The following NFAT5 variants were observed in gnomAD, a reference collection of about 807,000 sequenced individuals.
The protein encoded by NFAT5 is nuclear factor of activated T cells 5.
Under a neutral mutation model 166.5 loss-of-function variants are expected in NFAT5, and 31 were observed. The ratio of observed to expected loss-of-function variants is 0.19; its 90% CI spans 0.14 to 0.25. The LOEUF (loss-of-function observed/expected upper bound fraction) is 0.25. Among genes scored for constraint, NFAT5 ranks in the 10% least tolerant of loss-of-function variants. The probability of loss-of-function intolerance (pLI) is 1.00; values close to 1 mark genes in which losing one functional copy is unlikely to be tolerated. For synonymous variants in NFAT5, 612 were observed against 639.7 expected, an observed-to-expected ratio of 0.96 and a Z score of 0.65; for missense variants, 1,449 against 1,821.8, an observed-to-expected ratio of 0.80 and a Z score of 3.72.
Position 69,701,002 on chromosome 16 carries a change from G to A in NFAT5, c.*4651G>A, listed in dbSNP as rs2037888894. ...TTGCTCTGTCTCTCAGGCTAGAGCAGTGTGCGATCTCAGCTCACTGCAGCC... is the reference window on the plus strand; with the variant it reads ...TTGCTCTGTCTCTCAGGCTAGAGCAATGTGCGATCTCAGCTCACTGCAGCC... On this transcript the variant is annotated 3_prime_UTR_variant, in exon 15 of 15. Transcript: ENST00000349945. 1 of 151,022 alleles carries A rather than the reference G, an allele frequency of 6.6e-6. No homozygotes were observed. The highest frequency in any genetic ancestry group is 1.5e-5 in the Non-Finnish European group (1 of 68,032). The allele number at this position is 151,022 out of a possible 1,614,324, so 9.4% of individuals were successfully genotyped here.
chr16:69,578,443 G>T (rs769027181), intron 2 of NFAT5, among the ~76,000 whole-genome samples: 5 of 152,058 alleles, frequency 3.3e-5, no homozygotes, highest in Non-Finnish European at 5.9e-5. Flanking sequence ...GAGATATTAG[G>T]CATTAAAATG....
chr16:69,688,227 C>CAAAAAAAAAAAAAAA (rs1309361684), intron 11 of NFAT5, among the ~76,000 whole-genome samples: 1 of 114,222 alleles, frequency 8.8e-6, no homozygotes, highest in South Asian at 2.7e-4. Flanking sequence ...AAAAAAAAAA[C>CAAAAAAAAAAAAAAA]CAGGAGTTTG....
chr16:69,666,280 A>T lies in NFAT5; in HGVS notation c.1370-3697A>T, dbSNP rs2036374597. Among the ~76,000 whole-genome samples, 8 of 151,676 alleles carry T rather than the reference A, an allele frequency of 5.3e-5. No individual in the cohort carries two copies. The South Asian group carries it at 1.7e-3, about 32-fold the overall frequency. On this transcript the variant is annotated intron_variant, in intron 7 of 14. Coordinates refer to ENST00000349945, the MANE Select transcript of NFAT5 (RefSeq NM_138713.4). ...CATGGGCAAGGACTTCATGTCTAAA[A>T]CACCAAAAGCAATGGCAACCAAAGC...
At chr16:69,612,570 G>A (rs2033752760) in intron 2 of NFAT5, among the ~76,000 whole-genome samples, 1 of 152,214 alleles carries the variant, frequency 6.6e-6, no homozygotes, top group Middle Eastern at 3.4e-3. Context: ...TCTAGGCCAG[G>A]TGCAGTGGTT....
intron 3 of NFAT5, among the ~76,000 whole-genome samples, chr16:69,630,274 C>T (rs2034654880): frequency 6.6e-6 from 1 of 152,074 alleles, no homozygotes; most frequent in Non-Finnish European, 1.5e-5. Context: ...TCAGGTGATC[C>T]TCGAGGCTTG....
In NFAT5 at chr16:69,681,687, G is replaced by T. The variant is rs181582375; in HGVS notation, c.1691-3200G>T. 2.6e-5 allele frequency among the ~76,000 whole-genome samples: 4 copies of T among 152,252 alleles called. No individual in the cohort carries two copies. The East Asian group carries it at 7.7e-4, about 29-fold the overall frequency. On this transcript the variant is annotated intron_variant, in intron 10 of 14. Transcript: ENST00000349945. Reference sequence around the variant, plus strand: ...AATCCCAGCACTTTGGGAGGCCGAGGTGGGCGGATCATGAGGTCAGGAGAT... The same window carrying T: ...AATCCCAGCACTTTGGGAGGCCGAGTTGGGCGGATCATGAGGTCAGGAGAT...
At chr16:69,646,295 C>A (rs2035436871) in intron 3 of NFAT5, among the ~76,000 whole-genome samples, 2 of 152,192 alleles carry the variant, frequency 1.3e-5, no homozygotes. Context: ...CTTCTGGAGA[C>A]CCAATGATTA....
rs1054051343 is a variant in NFAT5, at chr16:69,566,756, G to A, written c.73+382G>A. On this transcript the variant is annotated intron_variant, in intron 1 of 14. Coordinates refer to ENST00000349945, the MANE Select transcript of NFAT5 (RefSeq NM_138713.4). The surrounding 1 kb of genome is among the most constrained non-coding windows in gnomAD (Gnocchi z 5.7). The stretch of plus-strand genomic sequence containing the variant: ...GCCCCGCGCTGGGGCCACCGCGATC[G>A]GGGCGCCGCGTCTTCTCTTACCGGG... Among the ~76,000 whole-genome samples the A allele has an allele frequency of 2.0e-5, 3 of 152,260 alleles. No homozygotes were observed. Among genetic ancestry groups the A allele is most frequent in the Middle Eastern group, 3.4e-3 (1 of 294 alleles).
chr16:69,635,726 C>T (rs938891111), intron 3 of NFAT5, among the ~76,000 whole-genome samples: 2 of 152,162 alleles, frequency 1.3e-5, no homozygotes, highest in Non-Finnish European at 2.9e-5. Flanking sequence ...TCTCCTGAGA[C>T]ATATTAACTA....
intron 3 of NFAT5, among the ~76,000 whole-genome samples, chr16:69,637,794 T>C (rs919574792): frequency 3.3e-5 from 5 of 152,126 alleles, no homozygotes; most frequent in African/African-American, 1.2e-4. Context: ...AAAAGGAACA[T>C]TGATAGAGGA....
rs779989621 is a variant in NFAT5, at chr16:69,647,278, C to T, written c.504C>T (p.Asp168=). ...TVLYISPPPE[D]LLDNSRMSCQ... ...TGTACATCTCACCACCACCTGAGGA[C>T]TTGCTGGATAACAGTCGGATGTCCT... Residue 168 remains aspartate, a synonymous_variant, in exon 4 of 15, where the codon GAC becomes GAT. Coordinates refer to ENST00000349945, the MANE Select transcript of NFAT5 (RefSeq NM_138713.4). The surrounding 1 kb of genome is among the most constrained non-coding windows in gnomAD (Gnocchi z 4.8). The T allele has an allele frequency of 7.1e-5, 115 of 1,614,066 alleles. No homozygotes were observed. The highest frequency in any genetic ancestry group is 9.3e-5 in the Non-Finnish European group (110 of 1,180,042).
chr16:69,566,033 G>T lies in NFAT5; in HGVS notation c.-269G>T, dbSNP rs1029332182. The T allele has an allele frequency of 2.3e-5, 10 of 430,944 alleles. No individual in the cohort carries two copies. Among genetic ancestry groups the T allele is most frequent in the African/African-American group, 2.2e-4 (10 of 44,928 alleles). The allele number at this position is 430,944 out of a possible 1,614,324, so 26.7% of individuals were successfully genotyped here. A position where few individuals can be genotyped will look rare whatever the true frequency, so the allele number is the denominator to read the frequency against. ...TTTCGCTGAGGAGAAACACGAAACG[G>T]ACCCTTTGGCTCTCCCCCTTCCCCT... On this transcript the variant is annotated 5_prime_UTR_variant, in exon 1 of 15. Transcript: ENST00000349945. The surrounding 1 kb of genome is among the most constrained non-coding windows in gnomAD (Gnocchi z 5.7).
rs1454390798 is a variant in NFAT5, at chr16:69,691,759, C to T, written c.1934C>T (p.Ser645Phe). ...RSSTIFKTTK[S>F]VGSTQQTLEN... ...ATTTTTATTTTTTAGACTACAAAGT[C>T]TGTTGGATCAACTCAGCAAACATTA... The change falls in exon 13 of 15, where the codon TCT (serine) becomes TTT (phenylalanine). Residue 645 changes from serine to phenylalanine, a missense_variant. By Grantham distance (155) the Ser-to-Phe change is radical. Around this residue, in one of 7 missense-constraint regions of NFAT5, gnomAD observed 245 missense variants for 366.6 expected, o/e 0.67. Transcript: ENST00000349945. 1 of 1,608,592 alleles carries T rather than the reference C, an allele frequency of 6.2e-7. No individual in the cohort carries two copies. The highest frequency in any genetic ancestry group is 1.7e-5 in the Admixed American group (1 of 58,784).
intron 4 of NFAT5, among the ~76,000 whole-genome samples, chr16:69,650,375 A>G (rs920541639): frequency 1.3e-5 from 2 of 152,072 alleles, no homozygotes; most frequent in Non-Finnish European, 2.9e-5. Context: ...TTACATGTCT[A>G]TACATCTCAA....
chr16:69,693,638 G>A lies in NFAT5; in HGVS notation c.3813G>A (p.Gln1271=), dbSNP rs1032624608. The change falls in exon 13 of 15, where the codon CAG becomes CAA. Residue 1271 remains glutamine, a synonymous_variant. Transcript: ENST00000349945. ...SNSPSQEQQQ[Q]QQQQQQQQQQ... Reference sequence around the variant, plus strand: ...CTCCATCCCAGGAACAGCAGCAGCAGCAGCAACAGCAGCAGCAACAGCAGC... The same window carrying A: ...CTCCATCCCAGGAACAGCAGCAGCAACAGCAACAGCAGCAGCAACAGCAGC... 6.2e-7 allele frequency: 1 copy of A among 1,613,026 alleles called. No individual in the cohort carries two copies. The highest frequency in any genetic ancestry group is 8.5e-7 in the Non-Finnish European group (1 of 1,179,362).
In NFAT5 at chr16:69,573,405, T is replaced by C. The variant is rs530460790; in HGVS notation, c.127+4857T>C. On this transcript the variant is annotated intron_variant, in intron 2 of 14. Coordinates refer to ENST00000349945, the MANE Select transcript of NFAT5 (RefSeq NM_138713.4). The stretch of plus-strand genomic sequence containing the variant: ...TGTTATATCATAGATCATAAATGCC[T>C]ATAATATTTTATGTACAAAGATACC... Among the ~76,000 whole-genome samples the C allele has an allele frequency of 5.9e-5, 9 of 152,322 alleles. No homozygotes were observed. In the South Asian group the frequency reaches 1.9e-3, roughly 32 times the overall value.
At chr16:69,600,582 T>C (rs2033073002) in intron 2 of NFAT5, among the ~76,000 whole-genome samples, 1 of 152,086 alleles carries the variant, frequency 6.6e-6, no homozygotes, top group African/African-American at 2.4e-5. Context: ...GCTTCTTTTC[T>C]TGAGCCCAAA....
intron 9 of NFAT5, among the ~76,000 whole-genome samples, chr16:69,674,927 C>G (rs8047310): frequency 0.043 from 6,594 of 152,194 alleles, 486 homozygotes; most frequent in African/African-American, 0.15. Context: ...TACCTGCTCC[C>G]AAAGCCTCCC....
intron 2 of NFAT5, among the ~76,000 whole-genome samples, chr16:69,573,396 A>G (rs951365323): frequency 2.6e-5 from 4 of 152,222 alleles, no homozygotes; most frequent in Non-Finnish European, 5.9e-5. Flanking sequence ...ATCATAGATC[A>G]TAAATGCCTA....
Sources: allele counts gnomAD v4.1 joint callset (sites outside exome capture counted in the v4.1 genomes callset), GRCh38; gene constraint gnomAD v4.1.1; regional missense constraint gnomAD v4.1.1; non-coding constraint Gnocchi (gnomAD v3.1); transcripts MANE v1.5; gene names NCBI Gene and HGNC (gene_info 2026-07-23, HGNC 2026-07-21).